LMX1A: variants seen among roughly 807,000 people sequenced by gnomAD.
The protein encoded by LMX1A is LIM homeobox transcription factor 1 alpha.
Under a neutral mutation model 49.1 loss-of-function variants are expected in LMX1A, and 15 were observed. The observed-to-expected ratio is 0.31, with a 90% CI of 0.20 to 0.47. LMX1A has a LOEUF of 0.47. LMX1A is among the 20% of genes least tolerant of loss of function. The probability of loss-of-function intolerance (pLI) is 1.00; values close to 1 mark genes in which losing one functional copy is unlikely to be tolerated. For synonymous variants in LMX1A, 167 were observed against 185.7 expected (o/e 0.90, Z 0.82); for missense variants, 372 against 475.8 (o/e 0.78, Z 2.03).
chr1:165,210,546 A>C (rs1651336756), intron 6 of LMX1A, 153 bp downstream of exon 6: 4 of 471,498 alleles, frequency 8.5e-6, no homozygotes, highest in African/African-American at 7.9e-5. Flanking sequence ...TGCTGTGGCC[A>C]AAATAATTAT....
Position 165,353,068 on chromosome 1 carries a change from C to T in LMX1A, c.263+8G>A. 1 of 1,613,716 alleles carries T rather than the reference C, an allele frequency of 6.2e-7. No homozygotes were observed. Among genetic ancestry groups the T allele is most frequent in the Non-Finnish European group, 8.5e-7 (1 of 1,179,774 alleles). On this transcript the variant is annotated splice_region_variant and intron_variant, in intron 3 of 8. Coordinates refer to ENST00000342310, the MANE Select transcript of LMX1A (RefSeq NM_177398.4). Reference sequence around the variant, plus strand: ...CGCGGGGAGCGCTGCGGGGGTGCGGCCACTTACTTCTCGTAGTCATACTTG... The same window carrying T: ...CGCGGGGAGCGCTGCGGGGGTGCGGTCACTTACTTCTCGTAGTCATACTTG...
chr1:165,322,368 G>T (rs10800086), intron 3 of LMX1A, among the ~76,000 whole-genome samples: 15,245 of 152,110 alleles, frequency 0.1, 964 homozygotes, highest in Admixed American at 0.16. Context: ...AACAAAGCTT[G>T]TACAAAATCT....
chr1:165,301,745 C>T (rs781467455), intron 3 of LMX1A, among the ~76,000 whole-genome samples: 12 of 152,158 alleles, frequency 7.9e-5, no homozygotes, highest in Non-Finnish European at 1.5e-5. Flanking sequence ...AAAACAAGAA[C>T]AAGAATAAGA....
chr1:165,228,302 T>C (rs1652108834), intron 4 of LMX1A, among the ~76,000 whole-genome samples: 1 of 152,200 alleles, frequency 6.6e-6, no homozygotes. Flanking sequence ...TTCCACCAGA[T>C]GCCTGCAGCA....
rs1655244378 is a variant in LMX1A at position 165,316,855 on chromosome 1, C to T, written c.263+36221G>A. Among the ~76,000 whole-genome samples, 3 of 152,154 alleles carry T rather than the reference C, an allele frequency of 2.0e-5. No individual in the cohort carries two copies. In the South Asian group the frequency reaches 6.2e-4, roughly 32 times the overall value. ...CCCCATCCGGATCCCACAGGGCACT[C>T]GGGCCCGGGCAAAGCTGCCTCCCTA... On this transcript the variant is annotated intron_variant, in intron 3 of 8. Transcript: ENST00000342310.
chr1:165,208,735 C>T (rs1042837840), intron 6 of LMX1A, among the ~76,000 whole-genome samples: 7 of 151,460 alleles, frequency 4.6e-5, no homozygotes, highest in South Asian at 2.1e-4. Context: ...CAAGCTCCGC[C>T]TCTCGGGTTC....
intron 3 of LMX1A, among the ~76,000 whole-genome samples, chr1:165,276,472 ATGAT>A: frequency 6.6e-6 from 1 of 152,356 alleles, no homozygotes; most frequent in South Asian, 2.1e-4. Context: ...TGCAACTCTG[ATGAT>A]TGATAGCAAT....
intron 3 of LMX1A, among the ~76,000 whole-genome samples, chr1:165,287,049 TAGAA>T (rs1208308081): frequency 2.0e-5 from 3 of 152,040 alleles, no homozygotes; most frequent in Non-Finnish European, 2.9e-5. Context: ...AATATGTTAA[TAGAA>T]AGAATAAATC....
chr1:165,206,222 G>C (rs1651073057), intron 7 of LMX1A, among the ~76,000 whole-genome samples, 188 bp from the exon 8 acceptor site: 1 of 152,136 alleles, frequency 6.6e-6, no homozygotes, highest in South Asian at 2.1e-4. Flanking sequence ...CTGGGATGTT[G>C]AACTTTGAGA....
intron 4 of LMX1A, among the ~76,000 whole-genome samples, chr1:165,214,847 C>G (rs1039288230): frequency 6.6e-6 from 1 of 152,168 alleles, no homozygotes; most frequent in African/African-American, 2.4e-5. Flanking sequence ...TACTTCAACT[C>G]TATAAGCAGT....
intron 3 of LMX1A, among the ~76,000 whole-genome samples, chr1:165,290,100 G>C (rs900477453): frequency 1.3e-5 from 2 of 152,220 alleles, no homozygotes; most frequent in Non-Finnish European, 2.9e-5. Context: ...TTATGTATCA[G>C]TTAAATGGAC....
chr1:165,262,882 C>G (rs1440943054), intron 3 of LMX1A, among the ~76,000 whole-genome samples: 2 of 152,122 alleles, frequency 1.3e-5, no homozygotes, highest in Non-Finnish European at 2.9e-5. Flanking sequence ...TTAGACCAAT[C>G]CAATCAGGTA....
intron 4 of LMX1A, among the ~76,000 whole-genome samples, chr1:165,222,377 A>C (rs1184621097): frequency 6.6e-6 from 1 of 152,188 alleles, no homozygotes; most frequent in Non-Finnish European, 1.5e-5. Flanking sequence ...GGTTCAAATG[A>C]ATAAGGTTTG....
At chr1:165,250,633 C>T (rs183864710) in intron 3 of LMX1A, among the ~76,000 whole-genome samples, 10 of 152,202 alleles carry the variant, frequency 6.6e-5, no homozygotes, top group African/African-American at 2.4e-4. Flanking sequence ...ATTATATATG[C>T]CAAGCCAAAA....
In LMX1A at chr1:165,353,073, T is replaced by TA; in HGVS notation, c.263+2dup. On this transcript the variant is annotated splice_region_variant and intron_variant, in intron 3 of 8. Coordinates refer to ENST00000342310, the MANE Select transcript of LMX1A (RefSeq NM_177398.4). ...GGAGCGCTGCGGGGGTGCGGCCACT[T>TA]ACTTCTCGTAGTCATACTTGCAGTA... 1 of 1,614,004 alleles carries TA rather than the reference T, an allele frequency of 6.2e-7. No homozygotes were observed. The highest frequency in any genetic ancestry group is 8.5e-7 in the Non-Finnish European group (1 of 1,179,944).
chr1:165,315,468 A>T (rs1655190484), intron 3 of LMX1A, among the ~76,000 whole-genome samples: 1 of 152,220 alleles, frequency 6.6e-6, no homozygotes, highest in Admixed American at 6.5e-5. Context: ...ACTGGCTTTG[A>T]AGTATGTGCT....
chr1:165,301,853 G>A (rs1039290411), intron 3 of LMX1A, among the ~76,000 whole-genome samples: 3 of 152,152 alleles, frequency 2.0e-5, no homozygotes, highest in Non-Finnish European at 4.4e-5. Flanking sequence ...TCAAGGTGAA[G>A]TATTTCCTTG....
chr1:165,327,345 A>G (rs1655618400), intron 3 of LMX1A, among the ~76,000 whole-genome samples: 1 of 152,226 alleles, frequency 6.6e-6, no homozygotes, highest in Non-Finnish European at 1.5e-5. Flanking sequence ...GGCTCAAGCC[A>G]TGTTTCAAAG....
chr1:165,301,024 A>T (rs557321386), intron 3 of LMX1A, among the ~76,000 whole-genome samples: 135 of 152,266 alleles, frequency 8.9e-4, no homozygotes, highest in African/African-American at 3.2e-3. Context: ...TTCCTTATTT[A>T]TGAAATCATA....
Sources: allele counts gnomAD v4.1 joint callset (sites outside exome capture counted in the v4.1 genomes callset), GRCh38; gene constraint gnomAD v4.1.1; transcripts MANE v1.5; gene names NCBI Gene and HGNC (gene_info 2026-07-23, HGNC 2026-07-21).